Variants in PCSK2 observed in about 807,000 individuals in gnomAD.
PCSK2 encodes proprotein convertase subtilisin/kexin type 2, also known as neuroendocrine convertase 2.
PCSK2 carries 14 observed loss-of-function variants against 69.7 expected under a neutral mutation model. The ratio of observed to expected loss-of-function variants is 0.20; its 90% CI spans 0.13 to 0.31. PCSK2 has a LOEUF of 0.31. Ranked by LOEUF, PCSK2 falls within the 10% of genes least tolerant of loss-of-function variation. The pLI is 1.00. For synonymous variants in PCSK2, 307 were observed against 320.7 expected (o/e 0.96, Z 0.46); for missense variants, 544 against 842.5 (o/e 0.65, Z 4.39).
Position 17,227,304 on chromosome 20 carries a change from G to A in PCSK2, c.-2G>A, listed in dbSNP as rs759258279. On this transcript the variant is annotated 5_prime_UTR_variant, in exon 1 of 12. Transcript: ENST00000262545. ...AGCACCACTTTTCACTCCCAAAGAA[G>A]GATGAAGGGTGGTTGTGTCTCCCAG... 4.3e-6 allele frequency: 7 copies of A among 1,613,510 alleles called. No homozygotes were observed. In the South Asian group the frequency reaches 5.5e-5, roughly 13 times the overall value.
intron 4 of PCSK2, among the ~76,000 whole-genome samples, chr20:17,364,646 C>A (rs1417399496): frequency 6.6e-6 from 1 of 152,162 alleles, no homozygotes; most frequent in Non-Finnish European, 1.5e-5. Flanking sequence ...CCGGGTCCCC[C>A]CAACAAGATG....
intron 5 of PCSK2, among the ~76,000 whole-genome samples, chr20:17,399,845 G>A (rs6111532): frequency 0.31 from 46,671 of 152,070 alleles, 8,515 homozygotes; most frequent in South Asian, 0.58. Context: ...GAATTCAGTC[G>A]TCAGTGTTAT....
intron 5 of PCSK2, among the ~76,000 whole-genome samples, chr20:17,404,343 G>T (rs1052979914): frequency 6.6e-6 from 1 of 152,208 alleles, no homozygotes; most frequent in Non-Finnish European, 1.5e-5. Context: ...GCAAGTAACT[G>T]CCACTCTCTG....
Position 17,483,957 on chromosome 20 carries a change from A to G in PCSK2, c.*1887A>G, listed in dbSNP as rs771164094. The G allele has an allele frequency of 5.9e-5, 9 of 152,568 alleles. No individual in the cohort carries two copies. The allele number at this position is 152,568 out of a possible 1,614,324, so 9.5% of individuals were successfully genotyped here. On this transcript the variant is annotated 3_prime_UTR_variant, in exon 12 of 12. Transcript: ENST00000262545. Reference sequence around the variant, plus strand: ...TGTGTATATATGTGTATATATACATACACTTGTATAAATGTATATACACAT... The same window carrying G: ...TGTGTATATATGTGTATATATACATGCACTTGTATAAATGTATATACACAT...
rs1600616692 is a variant in PCSK2 at position 17,481,924 on chromosome 20, C to T, written c.1771C>T (p.Leu591=). Residue 591 remains leucine (L), a synonymous_variant, in exon 12 of 12, where the codon CTG becomes TTG. Coordinates refer to ENST00000262545, the MANE Select transcript of PCSK2 (RefSeq NM_002594.5). Reference sequence around the variant, plus strand: ...GGTGCTGAAGGAGTGGACCCTGATGCTGCATGGCACTCAGAGTGCCCCGTA... The same window carrying T: ...GGTGCTGAAGGAGTGGACCCTGATGTTGCATGGCACTCAGAGTGCCCCGTA... ...KGVLKEWTLM[L]HGTQSAPYID... is the part of the protein sequence containing the mutation. 6.2e-7 allele frequency: 1 copy of T among 1,613,766 alleles called. No individual in the cohort carries two copies. Among genetic ancestry groups the T allele is most frequent in the South Asian group, 1.1e-5 (1 of 91,062 alleles).
chr20:17,327,645 C>T (rs979594612), intron 2 of PCSK2, among the ~76,000 whole-genome samples: 4 of 152,244 alleles, frequency 2.6e-5, no homozygotes, highest in Non-Finnish European at 5.9e-5. Flanking sequence ...GCACCCTCCA[C>T]GAAGTCACCG....
At chr20:17,309,914 G>A (rs1485393720) in intron 2 of PCSK2, among the ~76,000 whole-genome samples, 1 of 150,246 alleles carries the variant, frequency 6.7e-6, no homozygotes, top group Non-Finnish European at 1.5e-5. Flanking sequence ...AAGAAGAAAG[G>A]GAAGGGGAAG....
chr20:17,466,449 GA>G (rs1476631574), intron 11 of PCSK2, among the ~76,000 whole-genome samples: 1 of 152,130 alleles, frequency 6.6e-6, no homozygotes, highest in Non-Finnish European at 1.5e-5. Flanking sequence ...ACAATCTAAG[GA>G]CTTGATTTTC....
At chr20:17,277,133 G>C (rs895741393) in intron 2 of PCSK2, among the ~76,000 whole-genome samples, 1 of 151,988 alleles carries the variant, frequency 6.6e-6, no homozygotes, top group East Asian at 1.9e-4. Flanking sequence ...TGTGAAAATG[G>C]CCATACTGCC....
chr20:17,369,362 A>G, intron 5 of PCSK2, 85 bp downstream of exon 5: 1 of 1,006,602 alleles, frequency 9.9e-7, no homozygotes, highest in Non-Finnish European at 1.6e-6. Flanking sequence ...GCACATGTCT[A>G]CATGTCTATA....
intron 2 of PCSK2, among the ~76,000 whole-genome samples, chr20:17,286,268 A>G (rs2123056177): frequency 6.6e-6 from 1 of 152,298 alleles, no homozygotes; most frequent in East Asian, 1.9e-4. Flanking sequence ...AATTATCTGA[A>G]ATAAAAACAA....
In PCSK2 at chr20:17,350,808, C is replaced by A. The variant is rs192118989; in HGVS notation, c.283-7519C>A. ...CTGTAATCCCAGCACTTTGGGAGGCCGAGGCGGGTGGATCACCTGAGGTCA... is the reference window on the plus strand; with the variant it reads ...CTGTAATCCCAGCACTTTGGGAGGCAGAGGCGGGTGGATCACCTGAGGTCA... On this transcript the variant is annotated intron_variant, in intron 2 of 11. Transcript: ENST00000262545. 3.7e-3 allele frequency among the ~76,000 whole-genome samples: 568 copies of A among 152,062 alleles called. 8 individuals are homozygous for A. The highest frequency in any genetic ancestry group is 0.013 in the African/African-American group (528 of 41,492).
intron 2 of PCSK2, among the ~76,000 whole-genome samples, chr20:17,328,395 AT>A (rs1990122072): frequency 6.7e-6 from 1 of 148,636 alleles, no homozygotes; most frequent in South Asian, 2.1e-4. Flanking sequence ...ATAATTATAT[AT>A]TATGCAATTA....
intron 2 of PCSK2, among the ~76,000 whole-genome samples, chr20:17,304,573 A>T (rs1989267537): frequency 6.6e-6 from 1 of 152,142 alleles, no homozygotes; most frequent in African/African-American, 2.4e-5. Context: ...TTTCTTGTTT[A>T]CCTATTTTCT....
chr20:17,448,437 G>A (rs532366752), intron 8 of PCSK2, among the ~76,000 whole-genome samples: 26 of 152,128 alleles, frequency 1.7e-4, no homozygotes, highest in Middle Eastern at 3.2e-3. Flanking sequence ...TTTATATTAT[G>A]AGCAAAATAA....
intron 2 of PCSK2, among the ~76,000 whole-genome samples, chr20:17,336,681 C>A (rs1464912470): frequency 1.3e-5 from 2 of 152,312 alleles, no homozygotes; most frequent in African/African-American, 4.8e-5. Flanking sequence ...AACTACACAT[C>A]ATTGTTCACA....
chr20:17,277,350 G>A (rs1044174819), intron 2 of PCSK2, among the ~76,000 whole-genome samples: 2 of 152,110 alleles, frequency 1.3e-5, no homozygotes, highest in African/African-American at 4.8e-5. Flanking sequence ...AAAACAGCAT[G>A]GTACTGGTAC....
At chr20:17,436,917 C>T (rs1367710521) in intron 8 of PCSK2, 34 bp downstream of exon 8, 3 of 1,551,308 alleles carry the variant, frequency 1.9e-6, no homozygotes, top group Admixed American at 2.0e-5. Flanking sequence ...CCCGGCCACT[C>T]ACAAGTTGGG....
chr20:17,330,462 C>T (rs368719731), intron 2 of PCSK2, among the ~76,000 whole-genome samples: 6 of 151,912 alleles, frequency 3.9e-5, no homozygotes, highest in East Asian at 3.9e-4. Flanking sequence ...GGCATGGTGG[C>T]GCGTGTCTTT....
Sources: allele counts gnomAD v4.1 joint callset (sites outside exome capture counted in the v4.1 genomes callset), GRCh38; gene constraint gnomAD v4.1.1; transcripts MANE v1.5; gene names NCBI Gene and HGNC (gene_info 2026-07-23, HGNC 2026-07-21).